WDR1: variants seen among roughly 807,000 people sequenced by gnomAD.
The protein encoded by WDR1 is WD repeat domain 1.
Under a neutral mutation model 71.9 loss-of-function variants are expected in WDR1, and 21 were observed. The ratio of observed to expected loss-of-function variants is 0.29; its 90% confidence interval spans 0.21 to 0.42. The LOEUF (loss-of-function observed/expected upper bound fraction) is 0.42, where lower values mean the gene tolerates loss of function less well. WDR1 is among the 10% of genes least tolerant of loss of function. WDR1 has a pLI of 1.00. For synonymous variants in WDR1, 424 were observed against 347.4 expected (o/e 1.22, Z -2.45); for missense variants, 696 against 824.5 (o/e 0.84, Z 1.91).
intron 4 of WDR1, 23 bp from the exon 5 acceptor site, chr4:10,097,914 AAGAC>A (rs1455648186): frequency 4.2e-6 from 6 of 1,417,606 alleles, no homozygotes; most frequent in East Asian, 2.6e-5. Flanking sequence ...ACACAGGTGG[AAGAC>A]AAAAAAAAAA....
chr4:10,089,237 T>C (rs902833359), intron 5 of WDR1, among the ~76,000 whole-genome samples: 3 of 152,156 alleles, frequency 2.0e-5, no homozygotes, highest in African/African-American at 4.8e-5. Flanking sequence ...GCCTCCCGAG[T>C]AGCTGGGACG....
intron 4 of WDR1, among the ~76,000 whole-genome samples, chr4:10,098,667 A>C (rs1254972732): frequency 1.3e-5 from 2 of 152,198 alleles, no homozygotes; most frequent in Admixed American, 6.5e-5. Context: ...AGGGACCCCG[A>C]ATAGAAGTGC....
chr4:10,088,819 A>G (rs953036861), intron 5 of WDR1, 78 bp from the exon 6 acceptor site: 2 of 1,096,566 alleles, frequency 1.8e-6, no homozygotes, highest in Admixed American at 2.0e-5. Context: ...TATGAAACAC[A>G]GCTTGCAGCT....
intron 4 of WDR1, 49 bp downstream of exon 4, chr4:10,098,943 G>A (rs767097275): frequency 9.9e-6 from 16 of 1,610,280 alleles, no homozygotes; most frequent in Admixed American, 6.7e-5. Flanking sequence ...GCACATGGAC[G>A]CATGAGCCAC....
Position 10,116,230 on chromosome 4 carries a change from C to T in WDR1, c.21G>A (p.Lys7=), listed in dbSNP as rs757206701. MPYEIK[K]VFASLPQVER... is the part of the protein sequence containing the mutation. ...CCACCTGCGGGAGGCTGGCGAACAC[C>T]TTCTCTGCGGAGACACAAATGCGGC... The change falls in exon 2 of 15, where the codon AAG becomes AAA. Residue 7 remains lysine, a synonymous_variant. Transcript: ENST00000499869. 136 of 1,613,338 alleles carry T rather than the reference C, an allele frequency of 8.4e-5. No individual in the cohort carries two copies. The highest frequency in any genetic ancestry group is 1.6e-4 in the Middle Eastern group (1 of 6,084).
At chr4:10,084,696 A>C (rs1369259651) in intron 8 of WDR1, among the ~76,000 whole-genome samples, 166 bp from the exon 9 acceptor site, 8 of 152,238 alleles carry the variant, frequency 5.3e-5, no homozygotes, top group African/African-American at 1.9e-4. Flanking sequence ...GCCCGAATGC[A>C]CGGCCCACGA....
At chr4:10,103,544 TAA>T (rs1273187486) in intron 3 of WDR1, among the ~76,000 whole-genome samples, 1 of 151,882 alleles carries the variant, frequency 6.6e-6, no homozygotes, top group Non-Finnish European at 1.5e-5. Context: ...GGGCCACAGA[TAA>T]AATACACTAA....
chr4:10,114,068 T>TA (rs1474787888), intron 2 of WDR1, among the ~76,000 whole-genome samples: 6 of 151,832 alleles, frequency 4.0e-5, no homozygotes, highest in East Asian at 1.9e-4. Flanking sequence ...TACTTTGCCC[T>TA]AAAAAAAATC....
At position 10,097,756 on chromosome 4, in the gene WDR1, C is replaced by T. The variant is rs191441707; in HGVS notation, c.513G>A (p.Ala171=). 93 of 1,613,172 alleles carry T rather than the reference C, an allele frequency of 5.8e-5. No individual in the cohort carries two copies. The East Asian group carries it at 1.3e-3, about 22-fold the overall frequency. Residue 171 remains alanine (A), a synonymous_variant, in exon 5 of 15, where the codon GCG becomes GCA. Transcript: ENST00000499869. ...TGAATGGGGGTCCCTCAAAGAATGCCGCGCAGTTATCATCGCTTCCCGTGG... is the reference window on the plus strand; with the variant it reads ...TGAATGGGGGTCCCTCAAAGAATGCTGCGCAGTTATCATCGCTTCCCGTGG... The part of the protein sequence containing the change: ...RLATGSDDNC[A]AFFEGPPFKF...
chr4:10,105,576 T>G (rs1208386535), intron 2 of WDR1, among the ~76,000 whole-genome samples: 1 of 151,888 alleles, frequency 6.6e-6, no homozygotes, highest in Non-Finnish European at 1.5e-5. Context: ...AGAATACCAC[T>G]CCATACTCAC....
chr4:10,086,046 C>T (rs1342611069), intron 8 of WDR1, among the ~76,000 whole-genome samples: 1 of 152,168 alleles, frequency 6.6e-6, no homozygotes, highest in Non-Finnish European at 1.5e-5. Context: ...GGCAGCCCTG[C>T]CAACAGAAAC....
Position 10,074,997 on chromosome 4 carries a change from C to A in WDR1, c.*381G>T, listed in dbSNP as rs1578410481. On this transcript the variant is annotated 3_prime_UTR_variant, in exon 15 of 15. Transcript: ENST00000499869. ...TGTTCTGCAGGCAGGAACATGAGCC[C>A]CCCGGCTCATTCACCTGTACAACCT... 6.7e-6 allele frequency: 2 copies of A among 299,448 alleles called. No individual in the cohort carries two copies. Among genetic ancestry groups the A allele is most frequent in the East Asian group, 5.9e-5 (1 of 16,906 alleles). The allele number at this position is 299,448 out of a possible 1,614,324, so 18.5% of individuals were successfully genotyped here. A position where few individuals can be genotyped will look rare whatever the true frequency, so the allele number is the denominator to read the frequency against.
chr4:10,104,950 C>A (rs1712930638), intron 2 of WDR1, among the ~76,000 whole-genome samples: 1 of 152,058 alleles, frequency 6.6e-6, no homozygotes, highest in Non-Finnish European at 1.5e-5. Context: ...CTCCCTTAGA[C>A]CCCTCCTCAA....
At position 10,077,876 on chromosome 4, in the gene WDR1, C is replaced by A; in HGVS notation, c.1446G>T (p.Glu482Asp). ...YSILGTTLKD[E>D]GKLLEAKGPV... ...GGCCCTTGGCCTCTAGGAGCTTGCCCTCATCCTTCAGCGTGGTGCCCAGGA... is the reference window on the plus strand; with the variant it reads ...GGCCCTTGGCCTCTAGGAGCTTGCCATCATCCTTCAGCGTGGTGCCCAGGA... The change falls in exon 13 of 15, where the codon GAG becomes GAT. Residue 482 changes from glutamate (E) to aspartate (D), a missense_variant. Coordinates refer to ENST00000499869, the MANE Select transcript of WDR1 (RefSeq NM_017491.5). 1 of 1,611,612 alleles carries A rather than the reference C, an allele frequency of 6.2e-7. No individual in the cohort carries two copies. The highest frequency in any genetic ancestry group is 8.5e-7 in the Non-Finnish European group (1 of 1,178,918).
intron 14 of WDR1, 97 bp downstream of exon 14, chr4:10,077,207 T>C: frequency 1.3e-6 from 2 of 1,492,102 alleles, no homozygotes; most frequent in Non-Finnish European, 1.8e-6. Flanking sequence ...AGAGGCTACT[T>C]AGCCCTGGGG....
At chr4:10,113,006 T>C (rs1436479491) in intron 2 of WDR1, among the ~76,000 whole-genome samples, 1 of 152,216 alleles carries the variant, frequency 6.6e-6, no homozygotes, top group Admixed American at 6.5e-5. Flanking sequence ...AGGCCGGGGA[T>C]GGAAAATTCT....
intron 11 of WDR1, among the ~76,000 whole-genome samples, chr4:10,079,495 G>A (rs952995964): frequency 2.0e-5 from 3 of 152,244 alleles, no homozygotes; most frequent in Non-Finnish European, 2.9e-5. Context: ...CCCACAGGCT[G>A]AGCCGGGACT....
In WDR1 at chr4:10,100,630, T is replaced by C. The variant is rs533309278; in HGVS notation, c.230-1491A>G. ...TGATGCCAAATCCAGTGAACAGCAC[T>C]AACTAAGGGGAGTCCCAGAAGGGCC... On this transcript the variant is annotated intron_variant, in intron 3 of 14. Transcript: ENST00000499869. Among the ~76,000 whole-genome samples, 6 of 152,296 alleles carry C rather than the reference T, an allele frequency of 3.9e-5. No homozygotes were observed. In the East Asian group the frequency reaches 1.2e-3, roughly 29 times the overall value.
intron 2 of WDR1, chr4:10,115,649 C>G (rs983469890): frequency 6.5e-6 from 1 of 153,794 alleles, no homozygotes; most frequent in African/African-American, 2.4e-5. Flanking sequence ...GAGTGGTCAT[C>G]ATCTCATCAT....
Sources: gnomAD v4.1 joint callset for allele counts (sites outside exome capture counted in the v4.1 genomes callset) on GRCh38, gnomAD v4.1.1 for gene constraint, MANE v1.5 for transcripts, NCBI Gene and HGNC (gene_info 2026-07-23, HGNC 2026-07-21) for gene names.